Variants in CYP20A1 observed in about 807,000 individuals in gnomAD.
CYP20A1 encodes cytochrome P450 20A1.
CYP20A1 carries 61 observed loss-of-function variants against 61.4 expected under a neutral mutation model. The observed-to-expected ratio is 0.99, with a 90% CI of 0.81 to 1.23. The LOEUF is 1.23. Ranked by LOEUF, CYP20A1 falls within the 50% of genes most tolerant of loss-of-function variation. The pLI, the probability that CYP20A1 is intolerant of heterozygous loss-of-function variation, is 0.00. For missense variants in CYP20A1, 530 were observed against 542.4 expected (o/e 0.98, Z 0.23); for synonymous variants, 193 against 188.2 (o/e 1.03, Z -0.21).
At chr2:203,271,455 TA>T (rs1260900953) in intron 5 of CYP20A1, among the ~76,000 whole-genome samples, 1 of 152,146 alleles carries the variant, frequency 6.6e-6, no homozygotes, top group Non-Finnish European at 1.5e-5. Flanking sequence ...TTGAGGACTT[TA>T]AAAAATCTAT....
chr2:203,302,563 T>C lies in CYP20A1; in HGVS notation c.*5655T>C, dbSNP rs778647893. Among the ~76,000 whole-genome samples, 2 of 152,208 alleles carry C rather than the reference T, an allele frequency of 1.3e-5. No homozygotes were observed. Among genetic ancestry groups the C allele is most frequent in the African/African-American group, 4.8e-5 (2 of 41,466 alleles). On this transcript the variant is annotated 3_prime_UTR_variant, in exon 13 of 13. Coordinates refer to ENST00000356079, the MANE Select transcript of CYP20A1 (RefSeq NM_177538.3). ...GATTCTAATATAGATACTCTTTTTA[T>C]GCATATGTAATTTATATATATTATA... is the stretch of plus-strand genomic sequence containing the variant.
Position 203,267,589 on chromosome 2 carries a change from A to T in CYP20A1, c.600+908A>T, listed in dbSNP as rs867114121. Among the ~76,000 whole-genome samples the T allele has an allele frequency of 9.2e-5, 14 of 152,128 alleles. 1 individual carries two copies. In the Middle Eastern group the frequency reaches 0.034, roughly 370 times the overall value. On this transcript the variant is annotated intron_variant, in intron 5 of 12. Transcript: ENST00000356079. ...GCCGGGCGTGGTGGCTCACGCCTGT[A>T]ATCTCAGCACTTTGGGAGGCCAAGG...
At chr2:203,265,104 T>A (rs1293933378) in intron 4 of CYP20A1, among the ~76,000 whole-genome samples, 2 of 152,232 alleles carry the variant, frequency 1.3e-5, no homozygotes, top group Non-Finnish European at 2.9e-5. Flanking sequence ...TAGTTACATA[T>A]TTTAACTATT....
chr2:203,240,331 A>G (rs1446941780), intron 1 of CYP20A1, among the ~76,000 whole-genome samples: 2 of 152,184 alleles, frequency 1.3e-5, no homozygotes, highest in Non-Finnish European at 2.9e-5. Flanking sequence ...ATTTTTGGTG[A>G]TTTTAAAATG....
intron 7 of CYP20A1, among the ~76,000 whole-genome samples, chr2:203,279,625 T>C (rs575324287): frequency 1.3e-5 from 2 of 152,270 alleles, no homozygotes; most frequent in East Asian, 1.9e-4. Context: ...GGTGCAGAAA[T>C]TGAATTTGGC....
At chr2:203,253,291 G>A (rs188059726) in intron 4 of CYP20A1, among the ~76,000 whole-genome samples, 3 of 152,282 alleles carry the variant, frequency 2.0e-5, no homozygotes, top group African/African-American at 4.8e-5. Flanking sequence ...GGGTAGGGGC[G>A]CCAGGTCAGG....
In CYP20A1 at chr2:203,304,541, A is replaced by C. The variant is rs6435181; in HGVS notation, c.*7633A>C. ...AGGAAAAAGAATGCTACCAACCTAA[A>C]CACATTTCTGTGACTGTTTATATTT... On this transcript the variant is annotated 3_prime_UTR_variant, in exon 13 of 13. Coordinates refer to ENST00000356079, the MANE Select transcript of CYP20A1 (RefSeq NM_177538.3). Among the ~76,000 whole-genome samples the C allele has an allele frequency of 0.89, 135,959 of 151,920 alleles. 61,654 individuals are homozygous for C. Among genetic ancestry groups the C allele is most frequent in the Non-Finnish European group, 0.96 (65,473 of 67,976 alleles).
At position 203,300,025 on chromosome 2, in the gene CYP20A1, A is replaced by G. The variant is rs1294732087; in HGVS notation, c.*3117A>G. On this transcript the variant is annotated 3_prime_UTR_variant, in exon 13 of 13. Coordinates refer to ENST00000356079, the MANE Select transcript of CYP20A1 (RefSeq NM_177538.3). ...TGGCGGTAGAAGGTTAGAGTAGCCA[A>G]TTGATATGTAAACCAAGTGTCAGAT... Among the ~76,000 whole-genome samples, 3 of 152,224 alleles carry G rather than the reference A, an allele frequency of 2.0e-5. No homozygotes were observed. The highest frequency in any genetic ancestry group is 4.4e-5 in the Non-Finnish European group (3 of 68,036).
rs544507594 is a variant in CYP20A1, at chr2:203,304,360, G to C, written c.*7452G>C. 2.8e-4 allele frequency among the ~76,000 whole-genome samples: 43 copies of C among 152,226 alleles called. No homozygotes were observed. The highest frequency in any genetic ancestry group is 9.9e-4 in the African/African-American group (41 of 41,562). On this transcript the variant is annotated 3_prime_UTR_variant, in exon 13 of 13. Transcript: ENST00000356079. ...CTACAGGCGAGTGCCTCCATGCCCA[G>C]CTAATTTTTTGTATTTTTAGTAGAG...
At chr2:203,266,235 T>A (rs979759089) in intron 4 of CYP20A1, among the ~76,000 whole-genome samples, 38 of 152,180 alleles carry the variant, frequency 2.5e-4, no homozygotes, top group Admixed American at 2.6e-4. Context: ...GGGTTTAAGT[T>A]TTTTCTATCT....
intron 4 of CYP20A1, among the ~76,000 whole-genome samples, chr2:203,264,027 ATT>A (rs2067238363): frequency 6.6e-6 from 1 of 151,908 alleles, no homozygotes; most frequent in African/African-American, 2.4e-5. Context: ...TTTTAGAGAC[ATT>A]TCTTGCTCTG....
Position 203,303,903 on chromosome 2 carries a change from G to C in CYP20A1, c.*6995G>C, listed in dbSNP as rs1312774037. On this transcript the variant is annotated 3_prime_UTR_variant, in exon 13 of 13. Transcript: ENST00000356079. ...AAAAAAAAAAAAAAAAACTTATTGA[G>C]AGAATAATATACCACTAATATTTAA... Among the ~76,000 whole-genome samples, 1 of 148,950 alleles carries C rather than the reference G, an allele frequency of 6.7e-6. No homozygotes were observed. Among genetic ancestry groups the C allele is most frequent in the East Asian group, 2.0e-4 (1 of 5,016 alleles).
At chr2:203,242,293 A>G (rs2066279948) in intron 1 of CYP20A1, among the ~76,000 whole-genome samples, 1 of 152,184 alleles carries the variant, frequency 6.6e-6, no homozygotes. Context: ...TTGTAATCTT[A>G]AGAAGAGCGG....
chr2:203,246,996 C>G (rs1043995916), intron 3 of CYP20A1, 75 bp downstream of exon 3: 7 of 1,443,868 alleles, frequency 4.8e-6, no homozygotes, highest in Non-Finnish European at 4.8e-6. Flanking sequence ...CACGGTGGCT[C>G]ACACCTGTAA....
chr2:203,294,271 C>CAA (rs1367706956), intron 11 of CYP20A1, among the ~76,000 whole-genome samples: 24 of 152,034 alleles, frequency 1.6e-4, no homozygotes, highest in Non-Finnish European at 2.8e-4. Flanking sequence ...GGGCTGGGCA[C>CAA]AATAACCTGT....
chr2:203,262,001 G>C (rs1226160629), intron 4 of CYP20A1, among the ~76,000 whole-genome samples: 1 of 152,084 alleles, frequency 6.6e-6, no homozygotes, highest in Non-Finnish European at 1.5e-5. Context: ...GGGCTGATGG[G>C]GGAAGCTGCT....
chr2:203,294,478 T>C (rs2068686347), intron 11 of CYP20A1, among the ~76,000 whole-genome samples: 1 of 151,868 alleles, frequency 6.6e-6, no homozygotes, highest in Non-Finnish European at 1.5e-5. Flanking sequence ...CGAGGTCATG[T>C]CATTGCACCC....
At chr2:203,270,738 T>TC in intron 5 of CYP20A1, among the ~76,000 whole-genome samples, 1 of 133,544 alleles carries the variant, frequency 7.5e-6, no homozygotes, top group East Asian at 2.0e-4. Context: ...TTTTTTTTCT[T>TC]TTTTTTTTTT....
At chr2:203,277,629 C>T (rs2067878803) in intron 6 of CYP20A1, among the ~76,000 whole-genome samples, 1 of 151,992 alleles carries the variant, frequency 6.6e-6, no homozygotes, top group African/African-American at 2.4e-5. Context: ...GATTCTCCTG[C>T]CTCAGCCTCC....
Sources: allele counts gnomAD v4.1 joint callset (sites outside exome capture counted in the v4.1 genomes callset), GRCh38; gene constraint gnomAD v4.1.1; transcripts MANE v1.5; gene names NCBI Gene and HGNC (gene_info 2026-07-23, HGNC 2026-07-21).